Variants in DENND4C observed in about 807,000 individuals in gnomAD.
The protein encoded by DENND4C is DENN domain containing 4C.
DENND4C carries 108 observed loss-of-function variants against 203.0 expected under a neutral mutation model. The observed-to-expected ratio is 0.53, with a 90% CI of 0.46 to 0.62. The LOEUF is 0.62. Ranked by LOEUF, DENND4C falls within the 20% of genes least tolerant of loss-of-function variation. DENND4C has a pLI of 0.00. For missense variants in DENND4C, 2,481 were observed against 2,301.2 expected (o/e 1.08, Z -1.60); for synonymous variants, 871 against 792.4 (o/e 1.10, Z -1.67).
At chr9:19,348,087 C>G (rs1215626886) in intron 23 of DENND4C, among the ~76,000 whole-genome samples, 8 of 152,086 alleles carry the variant, frequency 5.3e-5, no homozygotes, top group Admixed American at 3.3e-4. Flanking sequence ...ACAGTATGTC[C>G]TAGGTACTGT....
At chr9:19,255,007 AG>A (rs993725942) in intron 1 of DENND4C, among the ~76,000 whole-genome samples, 4 of 151,456 alleles carry the variant, frequency 2.6e-5, no homozygotes, top group Non-Finnish European at 4.4e-5. Context: ...GTGGTGGTGG[AG>A]GGGGGGCCGC....
chr9:19,345,743 C>G (rs1822740405), intron 22 of DENND4C, among the ~76,000 whole-genome samples, 178 bp from the exon 23 acceptor site: 1 of 152,026 alleles, frequency 6.6e-6, no homozygotes, highest in African/African-American at 2.4e-5. Context: ...CCCTGGGAGG[C>G]AAGTTTTAAA....
chr9:19,305,205 A>G (rs193016009), intron 9 of DENND4C, 147 bp from the exon 10 acceptor site: 236 of 627,946 alleles, frequency 3.8e-4, no homozygotes, highest in Non-Finnish European at 5.7e-4. Context: ...GTAGTATTTT[A>G]TAGTCATTTA....
At chr9:19,348,264 T>C (rs928336363) in intron 23 of DENND4C, among the ~76,000 whole-genome samples, 2 of 152,170 alleles carry the variant, frequency 1.3e-5, no homozygotes, top group Non-Finnish European at 2.9e-5. Flanking sequence ...AACTAGGGAA[T>C]AGTAGAACTA....
At chr9:19,254,126 C>T (rs1375128827) in intron 1 of DENND4C, among the ~76,000 whole-genome samples, 2 of 151,038 alleles carry the variant, frequency 1.3e-5, no homozygotes, top group Non-Finnish European at 2.9e-5. Context: ...AACTCTTGTA[C>T]CCTATTGGTG....
intron 10 of DENND4C, among the ~76,000 whole-genome samples, chr9:19,312,706 A>G (rs961699176): frequency 1.3e-5 from 2 of 152,096 alleles, no homozygotes; most frequent in Admixed American, 6.5e-5. Flanking sequence ...AGTTATTTGG[A>G]CATTTGCTTT....
At chr9:19,296,268 A>G (rs1837436571) in intron 6 of DENND4C, 22 bp downstream of exon 6, 1 of 1,497,336 alleles carries the variant, frequency 6.7e-7, no homozygotes, top group South Asian at 1.2e-5. Flanking sequence ...GATTAGAAAG[A>G]TGGCTGGTGG....
chr9:19,359,324 TCCTGCTTCAGCCTC>T, intron 28 of DENND4C, among the ~76,000 whole-genome samples: 1 of 151,810 alleles, frequency 6.6e-6, no homozygotes, highest in African/African-American at 2.4e-5. Flanking sequence ...CAAGTGATCC[TCCTGCTTCAGCCTC>T]CCTAATAACT....
intron 10 of DENND4C, 46 bp from the exon 11 acceptor site, chr9:19,316,371 C>T (rs1353000452): frequency 2.0e-6 from 3 of 1,501,822 alleles, no homozygotes; most frequent in Non-Finnish European, 2.7e-6. Flanking sequence ...CTAGTAAAAG[C>T]AGATTATGAA....
chr9:19,353,814 G>A (rs537140002), intron 26 of DENND4C, among the ~76,000 whole-genome samples: 125 of 152,216 alleles, frequency 8.2e-4, no homozygotes, highest in African/African-American at 2.9e-3. Context: ...GCACATGCCT[G>A]TAGTCCCAGC....
In DENND4C at chr9:19,373,815, C is replaced by G. The variant is rs41270107; in HGVS notation, c.*1642C>G. 6.6e-6 allele frequency among the ~76,000 whole-genome samples: 1 copy of G among 152,126 alleles called. No individual in the cohort carries two copies. Among genetic ancestry groups the G allele is most frequent in the Non-Finnish European group, 1.5e-5 (1 of 68,012 alleles). On this transcript the variant is annotated 3_prime_UTR_variant, in exon 33 of 33. Coordinates refer to ENST00000434457, the MANE Select transcript of DENND4C (RefSeq NM_001330640.2). ...TACTTCCATATGGTACAGTAACAAC[C>G]TAACTCCCTTCTACCTGATGTAACC... is the stretch of plus-strand genomic sequence containing the variant.
chr9:19,286,622 G>A (rs771600021), intron 2 of DENND4C, 147 bp from the exon 3 acceptor site: 1 of 609,624 alleles, frequency 1.6e-6, no homozygotes, highest in Non-Finnish European at 2.4e-6. Context: ...GTGAAGATTT[G>A]GGAAACAATA....
At chr9:19,231,038 G>A (rs1820400053) in intron 1 of DENND4C, among the ~76,000 whole-genome samples, 1 of 152,256 alleles carries the variant, frequency 6.6e-6, no homozygotes, top group Non-Finnish European at 1.5e-5. Flanking sequence ...TCCGGGGGCG[G>A]GGAGTCCCCG....
At chr9:19,314,033 G>T (rs879930545) in intron 10 of DENND4C, among the ~76,000 whole-genome samples, 1 of 152,144 alleles carries the variant, frequency 6.6e-6, no homozygotes, top group Admixed American at 6.5e-5. Context: ...AGTGAGCTGA[G>T]ATTGTGCCAC....
rs1825807473 is a variant in DENND4C at position 19,358,293 on chromosome 9, C to A, written c.5160+133C>A. ...ATAGAGTTTTTCCATAAACAAATAACTTTTTATTGTGGAGAATTTCAAATA... is the reference window on the plus strand; with the variant it reads ...ATAGAGTTTTTCCATAAACAAATAAATTTTTATTGTGGAGAATTTCAAATA... On this transcript the variant is annotated intron_variant, in intron 28 of 32. Transcript: ENST00000434457. The surrounding 1 kb of genome is among the most constrained non-coding windows in gnomAD (Gnocchi z 4.8). The A allele has an allele frequency of 2.8e-6, 2 of 711,116 alleles. No individual in the cohort carries two copies. Among genetic ancestry groups the A allele is most frequent in the Admixed American group, 3.4e-5 (1 of 29,324 alleles). 44.1% of individuals were successfully genotyped at this position (711,116 alleles called of 1,614,324 possible).
chr9:19,285,031 C>T (rs753837285), intron 2 of DENND4C, among the ~76,000 whole-genome samples: 20 of 152,018 alleles, frequency 1.3e-4, no homozygotes, highest in Admixed American at 3.9e-4. Context: ...CGGGGGATCC[C>T]CTTCTGGTGT....
rs780937841 is a variant in DENND4C at position 19,336,399 on chromosome 9, G to T, written c.2719G>T (p.Val907Phe). 1.1e-5 allele frequency: 17 copies of T among 1,613,398 alleles called. No individual in the cohort carries two copies. The highest frequency in any genetic ancestry group is 1.1e-5 in the Non-Finnish European group (13 of 1,179,860). Residue 907 changes from valine (V) to phenylalanine (F), a missense_variant, in exon 19 of 33, where the codon GTC becomes TTC. Transcript: ENST00000434457. Reference protein sequence around the residue: ...PLKKTVQRSQVSSISALQNVT... With the variant: ...PLKKTVQRSQFSSISALQNVT... ...TAAAAAGACTGTGCAAAGGTCACAG[G>T]TCTCCTCAATATCAGGTAATACATG...
intron 1 of DENND4C, among the ~76,000 whole-genome samples, chr9:19,239,941 T>A (rs1264519526): frequency 6.6e-6 from 1 of 152,208 alleles, no homozygotes; most frequent in African/African-American, 2.4e-5. Flanking sequence ...TGGTTGATAA[T>A]GTTCTTCAGA....
chr9:19,257,160 TA>T (rs771600786), intron 1 of DENND4C, among the ~76,000 whole-genome samples: 10 of 151,216 alleles, frequency 6.6e-5, no homozygotes, highest in Admixed American at 1.3e-4. Context: ...AATTAAAGTT[TA>T]AAAAAGAAAA....
Sources: allele counts gnomAD v4.1 joint callset (sites outside exome capture counted in the v4.1 genomes callset), GRCh38; gene constraint gnomAD v4.1.1; non-coding constraint Gnocchi (gnomAD v3.1); transcripts MANE v1.5; gene names NCBI Gene and HGNC (gene_info 2026-07-23, HGNC 2026-07-21).